Variants in PPP3CB observed in about 807,000 individuals in gnomAD.
The protein encoded by PPP3CB is protein phosphatase 3 catalytic subunit beta.
Under a neutral mutation model 66.4 loss-of-function variants are expected in PPP3CB, and 8 were observed. That is an observed-to-expected ratio of 0.12 (90% CI 0.07 to 0.22). The LOEUF (loss-of-function observed/expected upper bound fraction) is 0.22, where lower values mean the gene tolerates loss of function less well. Ranked by LOEUF, PPP3CB falls within the 10% of genes least tolerant of loss-of-function variation. The pLI is 1.00. For missense variants in PPP3CB, 319 were observed against 642.5 expected (o/e 0.50, Z 5.44); for synonymous variants, 208 against 221.2 (o/e 0.94, Z 0.53).
chr10:73,487,846 C>T (rs1020051599), intron 1 of PPP3CB, among the ~76,000 whole-genome samples: 7 of 150,200 alleles, frequency 4.7e-5, no homozygotes, highest in African/African-American at 1.7e-4. Context: ...ATGGTGAGAT[C>T]TCAGCTCATG....
At chr10:73,491,732 C>T (rs546467811) in intron 1 of PPP3CB, among the ~76,000 whole-genome samples, 1 of 152,084 alleles carries the variant, frequency 6.6e-6, no homozygotes, top group African/African-American at 2.4e-5. Flanking sequence ...TTTTGGGAGG[C>T]CAGGGTGGGT....
intron 8 of PPP3CB, among the ~76,000 whole-genome samples, chr10:73,468,841 T>G (rs996331920): frequency 6.6e-6 from 1 of 152,102 alleles, no homozygotes; most frequent in Non-Finnish European, 1.5e-5. Flanking sequence ...AAAAGAGTAT[T>G]TTAAATTAGT....
intron 1 of PPP3CB, among the ~76,000 whole-genome samples, chr10:73,483,208 C>T (rs191354795): frequency 6.6e-6 from 1 of 152,350 alleles, no homozygotes; most frequent in East Asian, 1.9e-4. Context: ...TCAAGGCACA[C>T]TTCTACATTT....
intron 9 of PPP3CB, among the ~76,000 whole-genome samples, chr10:73,461,444 G>A (rs2056519409): frequency 6.6e-6 from 1 of 151,588 alleles, no homozygotes; most frequent in Non-Finnish European, 1.5e-5. Context: ...GCAAGATTCT[G>A]TCTCAAAAAG....
At chr10:73,474,544 C>T (rs112090663) in intron 4 of PPP3CB, among the ~76,000 whole-genome samples, 7,068 of 151,960 alleles carry the variant, frequency 0.047, 505 homozygotes, top group African/African-American at 0.15. Context: ...GCGATCCTCC[C>T]ACCTCAGCCT....
At position 73,474,974 on chromosome 10, in the gene PPP3CB, C is replaced by A; in HGVS notation, c.468G>T (p.Leu156=). Residue 156 remains leucine (L), a synonymous_variant, in exon 4 of 14, where the codon CTG becomes CTT. Transcript: ENST00000360663. ...GGTGTCTGCATTCATGGTTGCCTCTCAGAAGAAATAATGTGCTTGGGTATA... is the reference window on the plus strand; with the variant it reads ...GGTGTCTGCATTCATGGTTGCCTCTAAGAAGAAATAATGTGCTTGGGTATA... The part of the protein sequence containing the change: ...KILYPSTLFL[L]RGNHECRHLT... 6.2e-7 allele frequency: 1 copy of A among 1,614,040 alleles called. No homozygotes were observed. Among genetic ancestry groups the A allele is most frequent in the Non-Finnish European group, 8.5e-7 (1 of 1,179,996 alleles).
chr10:73,449,335 G>T (rs1399153321), intron 10 of PPP3CB, among the ~76,000 whole-genome samples: 2 of 152,034 alleles, frequency 1.3e-5, no homozygotes, highest in African/African-American at 4.8e-5. Flanking sequence ...AACAGTATGT[G>T]CTTTCTGTCC....
rs1019088638 is a variant in PPP3CB at position 73,462,140 on chromosome 10, CTTTTT to C, written c.1108+5408_1108+5412del. Among the ~76,000 whole-genome samples, 161 of 94,212 alleles carry C rather than the reference CTTTTT, an allele frequency of 1.7e-3. 2 individuals carry two copies. The highest frequency in any genetic ancestry group is 6.1e-3 in the African/African-American group (155 of 25,540). 61.8% of individuals were successfully genotyped at this position (94,212 alleles called of 152,430 possible). A position where few individuals can be genotyped will look rare whatever the true frequency, so the allele number is the denominator to read the frequency against. On this transcript the variant is annotated intron_variant, in intron 9 of 13. Coordinates refer to ENST00000360663, the MANE Select transcript of PPP3CB (RefSeq NM_021132.4). Reference sequence around the variant, plus strand: ...GAACCACGAGCCAATTAAACTCCTTCTTTTTTTTTTTTTTTTTTTTTTTTTTCAGA... The same window carrying C: ...GAACCACGAGCCAATTAAACTCCTTCTTTTTTTTTTTTTTTTTTTTTCAGA...
intron 12 of PPP3CB, chr10:73,443,661 T>A (rs1012941860): frequency 6.6e-6 from 1 of 152,256 alleles, no homozygotes; most frequent in African/African-American, 2.4e-5. Flanking sequence ...TGGTCACTAA[T>A]ACTCACATCA....
In PPP3CB at chr10:73,478,764, T is replaced by C. The variant is rs541466427; in HGVS notation, c.287-141A>G. 1.0e-4 allele frequency: 70 copies of C among 680,224 alleles called. No individual in the cohort carries two copies. The African/African-American group carries it at 1.2e-3, about 12-fold the overall frequency. 42.1% of individuals were successfully genotyped at this position (680,224 alleles called of 1,614,324 possible). The stretch of plus-strand genomic sequence containing the variant: ...GAAGGAAGTAGTCTATGAACAGTCA[T>C]GATTAGGATGATGTGTAACCAAGTG... On this transcript the variant is annotated intron_variant, in intron 2 of 13. Coordinates refer to ENST00000360663, the MANE Select transcript of PPP3CB (RefSeq NM_021132.4).
At chr10:73,440,811 TATAA>T (rs1307629598) in intron 12 of PPP3CB, among the ~76,000 whole-genome samples, 3 of 152,220 alleles carry the variant, frequency 2.0e-5, no homozygotes, top group Non-Finnish European at 4.4e-5. Context: ...TAGGTCATAT[TATAA>T]ATAAGAAATA....
chr10:73,450,206 A>G (rs1227002217), intron 10 of PPP3CB, among the ~76,000 whole-genome samples: 1 of 152,164 alleles, frequency 6.6e-6, no homozygotes, highest in Non-Finnish European at 1.5e-5. Context: ...CTGATTCCAC[A>G]GCCATCCCAT....
Position 73,454,479 on chromosome 10 carries a change from C to T in PPP3CB, c.1119G>A (p.Met373Ile). 6.2e-7 allele frequency: 1 copy of T among 1,611,960 alleles called. No individual in the cohort carries two copies. The highest frequency in any genetic ancestry group is 2.2e-5 in the East Asian group (1 of 44,702). ...AGCAAATACTCAGAACATTTACCAA[C>T]ATTTCTGTCACTATTTGGGAAAAAA... ...LPFVGEKVTEMLVNVLSICSD... is the reference protein window; with the variant it reads ...LPFVGEKVTEILVNVLSICSD... Residue 373 changes from methionine (M) to isoleucine (I), a missense_variant, in exon 10 of 14, where the codon ATG becomes ATA. By Grantham distance (10) the Met-to-Ile change is conservative. Coordinates refer to ENST00000360663, the MANE Select transcript of PPP3CB (RefSeq NM_021132.4).
At chr10:73,490,901 C>A (rs965159118) in intron 1 of PPP3CB, among the ~76,000 whole-genome samples, 4 of 151,948 alleles carry the variant, frequency 2.6e-5, no homozygotes, top group African/African-American at 9.7e-5. Context: ...GGCACAATCT[C>A]GGCTCACTGC....
Position 73,438,399 on chromosome 10 carries a change from G to T in PPP3CB, c.1418C>A (p.Pro473Gln). 2 of 1,611,664 alleles carry T rather than the reference G, an allele frequency of 1.2e-6. No homozygotes were observed. The highest frequency in any genetic ancestry group is 1.7e-6 in the Non-Finnish European group (2 of 1,177,894). The change falls in exon 14 of 14, where the codon CCA becomes CAA. Residue 473 changes from proline (P) to glutamine (Q), a missense_variant. By Grantham distance (76) the Pro-to-Gln change is moderately conservative. Around this residue, in one of 5 missense-constraint regions of PPP3CB, gnomAD observed 120 missense variants for 331.2 expected, o/e 0.36. Transcript: ENST00000360663. ...AEKAIRGFSP[P>Q]HRICSFEEAK... is the part of the protein sequence containing the mutation. The stretch of plus-strand genomic sequence containing the variant: ...CTCTTCAAAACTGCAGATTCTATGT[G>T]GTGGAGAGAATCCTCGTATTGCTTA...
chr10:73,487,802 CAG>C (rs749818266), intron 1 of PPP3CB, among the ~76,000 whole-genome samples: 15 of 148,774 alleles, frequency 1.0e-4, no homozygotes, highest in African/African-American at 3.5e-4. Context: ...TTTTTTTCCA[CAG>C]AGTCTCGCTC....
chr10:73,485,950 G>GTGTGTGTGTT (rs58404946), intron 1 of PPP3CB, among the ~76,000 whole-genome samples: 5 of 124,636 alleles, frequency 4.0e-5, no homozygotes, highest in Admixed American at 8.6e-5. Context: ...GTGTGTGTGT[G>GTGTGTGTGTT]TATTTTTTTT....
Position 73,495,940 on chromosome 10 carries a change from GGGCGGC to G in PPP3CB, c.-57_-52del. 9.3e-7 allele frequency: 1 copy of G among 1,075,946 alleles called. No homozygotes were observed. The highest frequency in any genetic ancestry group is 1.2e-6 in the Non-Finnish European group (1 of 848,822). 66.6% of individuals were successfully genotyped at this position (1,075,946 alleles called of 1,614,324 possible). On this transcript the variant is annotated 5_prime_UTR_variant, in exon 1 of 14. Transcript: ENST00000360663. ...CTGGGCCGGGCGGGGTTGGGGGCGG[GGGCGGC>G]GGCTACCAGAGCCAAGCGGCGGCGC...
chr10:73,448,516 C>T (rs1006674050), intron 10 of PPP3CB: 2 of 389,074 alleles, frequency 5.1e-6, no homozygotes, highest in Admixed American at 2.8e-5. Context: ...ATACCAAACA[C>T]TAACACAGAT....
Sources: gnomAD v4.1 joint callset for allele counts (sites outside exome capture counted in the v4.1 genomes callset) on GRCh38, gnomAD v4.1.1 for gene constraint, gnomAD v4.1.1 regional missense constraint, MANE v1.5 for transcripts, NCBI Gene and HGNC (gene_info 2026-07-23, HGNC 2026-07-21) for gene names.